Variants in ACAA2 observed in about 807,000 individuals in gnomAD.
The protein encoded by ACAA2 is 3-ketoacyl-CoA thiolase, mitochondrial.
A neutral mutation model predicts 44.8 loss-of-function variants in ACAA2; 35 were observed. The observed-to-expected ratio is 0.78, with a 90% confidence interval of 0.60 to 1.04. The LOEUF (loss-of-function observed/expected upper bound fraction) is 1.04. Ranked by LOEUF, ACAA2 falls within the 50% of genes least tolerant of loss-of-function variation. The probability of loss-of-function intolerance (pLI) is 0.00; values close to 1 mark genes in which losing one functional copy is unlikely to be tolerated. For missense variants in ACAA2, 468 were observed against 482.6 expected (o/e 0.97, Z 0.28); for synonymous variants, 142 against 166.5 (o/e 0.85, Z 1.13).
At chr18:49,812,021 CCT>C (rs2023676173) in intron 1 of ACAA2, among the ~76,000 whole-genome samples, 1 of 152,140 alleles carries the variant, frequency 6.6e-6, no homozygotes, top group Non-Finnish European at 1.5e-5. Context: ...AATATTATTT[CCT>C]TTTTTAGAAG....
chr18:49,785,966 G>A (rs116907400), intron 8 of ACAA2: 1 of 152,314 alleles, frequency 6.6e-6, no homozygotes, highest in Non-Finnish European at 1.5e-5. Flanking sequence ...ATGTTGAAAT[G>A]TGGCAGAACT....
At chr18:49,803,859 C>T (rs538199973) in intron 1 of ACAA2, among the ~76,000 whole-genome samples, 20 of 151,580 alleles carry the variant, frequency 1.3e-4, no homozygotes, top group African/African-American at 4.1e-4. Flanking sequence ...GCATACTCTA[C>T]TGCATGAAAC....
At chr18:49,791,236 T>A (rs1240139481) in intron 7 of ACAA2, among the ~76,000 whole-genome samples, 1 of 152,246 alleles carries the variant, frequency 6.6e-6, no homozygotes, top group Admixed American at 6.5e-5. Flanking sequence ...GTTGATTTTT[T>A]AAATCTCAAA....
chr18:49,792,408 TCTGATCTAC>T, intron 5 of ACAA2, 81 bp from the exon 6 acceptor site: 1 of 1,240,048 alleles, frequency 8.1e-7, no homozygotes, highest in Non-Finnish European at 1.1e-6. Flanking sequence ...CAATTTAATT[TCTGATCTAC>T]CTTTTCCTCA....
intron 1 of ACAA2, among the ~76,000 whole-genome samples, chr18:49,810,252 T>C (rs567067728): frequency 6.0e-4 from 92 of 152,300 alleles, no homozygotes; most frequent in Non-Finnish European, 4.4e-4. Flanking sequence ...CACGTAACAC[T>C]CCACACCCCG....
intron 2 of ACAA2, 107 bp downstream of exon 2, chr18:49,802,580 C>G (rs879113143): frequency 8.5e-5 from 65 of 766,898 alleles, no homozygotes; most frequent in Non-Finnish European, 1.1e-4. Flanking sequence ...AAAAAAAAGT[C>G]TATAACTATT....
intron 1 of ACAA2, among the ~76,000 whole-genome samples, chr18:49,813,248 G>A (rs903201368): frequency 1.3e-5 from 2 of 152,258 alleles, no homozygotes; most frequent in Non-Finnish European, 2.9e-5. Flanking sequence ...ACAGGAAATT[G>A]CACCGAAATC....
intron 1 of ACAA2, among the ~76,000 whole-genome samples, chr18:49,810,547 A>G (rs2023657171): frequency 6.6e-6 from 1 of 152,152 alleles, no homozygotes; most frequent in Admixed American, 6.5e-5. Context: ...AAAACAAAAA[A>G]AAACCTCCCC....
chr18:49,802,738 G>A lies in ACAA2; in HGVS notation c.132C>T (p.Gly44=). Residue 44 remains glycine, a synonymous_variant, in exon 2 of 10, where the codon GGC becomes GGT. Transcript: ENST00000285093. ...TGTCAACTGTTTCAGGTGAGACTTT[G>A]CCAGCAGACAAGGCAGCCTTGGCAG... ...EFAAKAALSA[G]KVSPETVDSV... The A allele has an allele frequency of 6.2e-7, 1 of 1,614,088 alleles. No homozygotes were observed. Among genetic ancestry groups the A allele is most frequent in the Non-Finnish European group, 8.5e-7 (1 of 1,180,010 alleles).
rs1427718088 is a variant in ACAA2, at chr18:49,782,451, A to G, written c.*1396T>C. On this transcript the variant is annotated 3_prime_UTR_variant, in exon 10 of 10. Transcript: ENST00000285093. ...AAACAGTGTAGGTACTTATGATACT[A>G]TTATTTAACATCTAGTATTATTTAA... The G allele has an allele frequency of 6.6e-6, 1 of 150,950 alleles. No homozygotes were observed. Among genetic ancestry groups the G allele is most frequent in the Non-Finnish European group, 1.5e-5 (1 of 67,934 alleles). 9.4% of individuals were successfully genotyped at this position (150,950 alleles called of 1,614,324 possible).
Position 49,813,451 on chromosome 18 carries a change from G to A in ACAA2, c.16+18C>T, listed in dbSNP as rs1045799983. 6 of 1,241,076 alleles carry A rather than the reference G, an allele frequency of 4.8e-6. No individual in the cohort carries two copies. Among genetic ancestry groups the A allele is most frequent in the Admixed American group, 4.2e-5 (1 of 23,712 alleles). The allele number at this position is 1,241,076 out of a possible 1,614,324, so 76.9% of individuals were successfully genotyped here. ...AGGACCCCGAGGGGCGAGGAGAGGA[G>A]GAGGGGGCTGCGCTCACCTCGGAGC... On this transcript the variant is annotated intron_variant, in intron 1 of 9. Transcript: ENST00000285093.
intron 6 of ACAA2, 67 bp downstream of exon 6, chr18:49,792,085 T>C (rs1450743610): frequency 1.5e-6 from 2 of 1,307,456 alleles, no homozygotes; most frequent in African/African-American, 2.9e-5. Flanking sequence ...ATTTACAAGA[T>C]ACTTCATGAT....
Position 49,787,276 on chromosome 18 carries a change from A to AAAAC in ACAA2, c.954+14_954+15insGTTT. 1 of 1,464,614 alleles carries AAAAC rather than the reference A, an allele frequency of 6.8e-7. No individual in the cohort carries two copies. Among genetic ancestry groups the AAAAC allele is most frequent in the Admixed American group, 3.2e-5 (1 of 31,634 alleles). 90.7% of individuals were successfully genotyped at this position (1,464,614 alleles called of 1,614,324 possible). The stretch of plus-strand genomic sequence containing the variant: ...TCATGTTGTTAAAAAAAAAAAAAAA[A>AAAAC]AAAAAAACACTTACCTCTACCAAAT... On this transcript the variant is annotated intron_variant, in intron 8 of 9. Transcript: ENST00000285093.
At chr18:49,799,712 C>A (rs950499830) in intron 2 of ACAA2, among the ~76,000 whole-genome samples, 14 of 151,262 alleles carry the variant, frequency 9.3e-5, no homozygotes, top group Admixed American at 3.3e-4. Flanking sequence ...TGCCTGGCTG[C>A]CCAGTCTGGA....
At chr18:49,799,496 C>T (rs1235014716) in intron 2 of ACAA2, among the ~76,000 whole-genome samples, 3 of 152,242 alleles carry the variant, frequency 2.0e-5, no homozygotes, top group South Asian at 4.1e-4. Context: ...GGATTGCGGA[C>T]GGAGTCTTGT....
At chr18:49,806,909 T>C (rs562138553) in intron 1 of ACAA2, among the ~76,000 whole-genome samples, 3 of 150,352 alleles carry the variant, frequency 2.0e-5, no homozygotes, top group African/African-American at 7.4e-5. Context: ...ACTTTGAAGA[T>C]AGATAAATAG....
At chr18:49,801,812 A>ATCTATC (rs1555790827) in intron 2 of ACAA2, among the ~76,000 whole-genome samples, 2 of 143,312 alleles carry the variant, frequency 1.4e-5, no homozygotes, top group Non-Finnish European at 3.0e-5. Context: ...ATATATATAT[A>ATCTATC]TATCTTATCT....
intron 2 of ACAA2, among the ~76,000 whole-genome samples, chr18:49,801,576 GA>G (rs997269790): frequency 1.3e-5 from 2 of 151,692 alleles, no homozygotes; most frequent in African/African-American, 4.8e-5. Context: ...ACTGCCAAAG[GA>G]AAAAAGTCAC....
intron 9 of ACAA2, among the ~76,000 whole-genome samples, chr18:49,784,256 G>A (rs1243282424): frequency 6.6e-6 from 1 of 152,194 alleles, no homozygotes; most frequent in Non-Finnish European, 1.5e-5. Context: ...TTACGGGAAA[G>A]GAGTGAGAAG....
Sources: allele counts gnomAD v4.1 joint callset (sites outside exome capture counted in the v4.1 genomes callset), GRCh38; gene constraint gnomAD v4.1.1; transcripts MANE v1.5; gene names NCBI Gene and HGNC (gene_info 2026-07-23, HGNC 2026-07-21).